The following SERGEF variants were observed in gnomAD, a reference collection of about 807,000 sequenced individuals.
The protein encoded by SERGEF is secretion-regulating guanine nucleotide exchange factor.
In SERGEF, 51 loss-of-function variants were observed where a neutral mutation model predicts 50.0. The observed-to-expected ratio is 1.02, with a 90% CI of 0.81 to 1.29. The LOEUF is 1.29. SERGEF is among the 50% of genes most tolerant of loss of function. The pLI is 0.00. For synonymous variants in SERGEF, 205 were observed against 212.4 expected (o/e 0.97, Z 0.30); for missense variants, 521 against 557.0 (o/e 0.94, Z 0.65).
chr11:17,788,523 G>A (rs940558916), intron 10 of SERGEF, 110 bp from the exon 11 acceptor site: 2 of 923,364 alleles, frequency 2.2e-6, no homozygotes, highest in Non-Finnish European at 3.1e-6. Context: ...TCAGGAAGAC[G>A]CCAAAGCTTA....
chr11:17,937,278 T>A (rs1852469487), intron 9 of SERGEF, among the ~76,000 whole-genome samples: 2 of 152,172 alleles, frequency 1.3e-5, no homozygotes, highest in Non-Finnish European at 2.9e-5. Flanking sequence ...ACGCCTATAA[T>A]CCCAACACTT....
At chr11:17,842,420 T>A (rs1342788333) in intron 10 of SERGEF, among the ~76,000 whole-genome samples, 1 of 152,208 alleles carries the variant, frequency 6.6e-6, no homozygotes, top group Non-Finnish European at 1.5e-5. Flanking sequence ...AGCATTGCCA[T>A]CATTACCACA....
At chr11:17,977,613 T>C (rs2133986494) in intron 8 of SERGEF, among the ~76,000 whole-genome samples, 1 of 152,342 alleles carries the variant, frequency 6.6e-6, no homozygotes, top group South Asian at 2.1e-4. Flanking sequence ...AAAGGGCTGC[T>C]ACAGACTGAA....
intron 9 of SERGEF, among the ~76,000 whole-genome samples, chr11:17,908,513 CT>C (rs1851893569): frequency 6.6e-6 from 1 of 152,182 alleles, no homozygotes. Flanking sequence ...TATCCCTCCT[CT>C]TATGCTCCAC....
intron 8 of SERGEF, among the ~76,000 whole-genome samples, chr11:17,979,335 T>C (rs1236198837): frequency 1.3e-5 from 2 of 152,156 alleles, no homozygotes; most frequent in African/African-American, 4.8e-5. Context: ...TAACTGGAAA[T>C]ACAAACTTGG....
intron 10 of SERGEF, among the ~76,000 whole-genome samples, chr11:17,875,088 C>T (rs1428236292): frequency 6.6e-6 from 1 of 152,188 alleles, no homozygotes; most frequent in Admixed American, 6.5e-5. Context: ...ACAGGTTACA[C>T]AGCTTGTAAG....
chr11:17,910,864 G>C (rs1851938748), intron 9 of SERGEF, among the ~76,000 whole-genome samples: 1 of 152,146 alleles, frequency 6.6e-6, no homozygotes, highest in Non-Finnish European at 1.5e-5. Context: ...AAGCATCAGT[G>C]CTGGGGATAG....
At position 17,862,227 on chromosome 11, in the gene SERGEF, C is replaced by T. The variant is rs141897242; in HGVS notation, c.1048+15981G>A. 2.0e-3 allele frequency among the ~76,000 whole-genome samples: 302 copies of T among 152,330 alleles called. 1 individual carries two copies. Among genetic ancestry groups the T allele is most frequent in the African/African-American group, 7.1e-3 (295 of 41,576 alleles). On this transcript the variant is annotated intron_variant, in intron 10 of 10. Transcript: ENST00000265965. The stretch of plus-strand genomic sequence containing the variant: ...CATACTCATCCGTTAAGACCCACTT[C>T]AAGGATCATCTCTTCTAAGAAGCAT...
At chr11:17,840,381 C>T (rs1456394719) in intron 10 of SERGEF, among the ~76,000 whole-genome samples, 1 of 152,178 alleles carries the variant, frequency 6.6e-6, no homozygotes, top group Non-Finnish European at 1.5e-5. Flanking sequence ...CAGATCCTAT[C>T]ACATGGTGCC....
At chr11:17,878,911 C>CT (rs1391599571) in intron 9 of SERGEF, among the ~76,000 whole-genome samples, 28 of 152,324 alleles carry the variant, frequency 1.8e-4, no homozygotes, top group African/African-American at 6.0e-4. Context: ...TTTGCTGTTG[C>CT]TTCTAGGCAG....
At chr11:17,950,023 T>A (rs1852744737) in intron 9 of SERGEF, among the ~76,000 whole-genome samples, 1 of 152,182 alleles carries the variant, frequency 6.6e-6, no homozygotes. Context: ...ATAGATAAAC[T>A]GCAGAATACA....
chr11:17,878,255 A>T lies in SERGEF; in HGVS notation c.1012-11T>A. 1 of 1,560,910 alleles carries T rather than the reference A, an allele frequency of 6.4e-7. No individual in the cohort carries two copies. The highest frequency in any genetic ancestry group is 8.8e-7 in the Non-Finnish European group (1 of 1,141,046). ...TGAGCCACAAGAGACCTGTAAAAAAAAAAAAAGACAAAGAAAATGGATAGA... is the reference window on the plus strand; with the variant it reads ...TGAGCCACAAGAGACCTGTAAAAAATAAAAAAGACAAAGAAAATGGATAGA... On this transcript the variant is annotated splice_polypyrimidine_tract_variant and intron_variant, in intron 9 of 10. Coordinates refer to ENST00000265965, the MANE Select transcript of SERGEF (RefSeq NM_012139.4).
chr11:17,917,615 C>T (rs1345439196), intron 9 of SERGEF, among the ~76,000 whole-genome samples: 1 of 152,230 alleles, frequency 6.6e-6, no homozygotes, highest in Non-Finnish European at 1.5e-5. Context: ...TCAAGCTCCA[C>T]TCCAGACTTA....
rs537756402 is a variant in SERGEF at position 18,005,515 on chromosome 11, C to T, written c.353-980G>A. Among the ~76,000 whole-genome samples the T allele has an allele frequency of 1.3e-3, 195 of 152,280 alleles. No individual in the cohort carries two copies. In the South Asian group the frequency reaches 0.015, roughly 11 times the overall value. On this transcript the variant is annotated intron_variant, in intron 3 of 10. Coordinates refer to ENST00000265965, the MANE Select transcript of SERGEF (RefSeq NM_012139.4). ...CTAGGGAACAGTTACAGAAGGCCAA[C>T]GCTAAAAAGCTAGGAATCTGAGCTA...
chr11:17,800,868 G>A (rs1262605690), intron 10 of SERGEF, among the ~76,000 whole-genome samples: 7 of 152,064 alleles, frequency 4.6e-5, no homozygotes, highest in Non-Finnish European at 8.8e-5. Flanking sequence ...GTGTGTCTGG[G>A]GCCAAGTGAG....
At chr11:17,881,668 T>C (rs1012972537) in intron 9 of SERGEF, among the ~76,000 whole-genome samples, 2 of 152,232 alleles carry the variant, frequency 1.3e-5, no homozygotes, top group Non-Finnish European at 1.5e-5. Context: ...TTTCTGGCTC[T>C]GAGACCTAAA....
intron 1 of SERGEF, among the ~76,000 whole-genome samples, chr11:18,008,517 C>T (rs1854129968): frequency 6.6e-6 from 1 of 151,736 alleles, no homozygotes; most frequent in African/African-American, 2.4e-5. Flanking sequence ...AGCAGCAATG[C>T]TAGCCATGGC....
intron 10 of SERGEF, among the ~76,000 whole-genome samples, chr11:17,842,932 C>A (rs538960452): frequency 7.2e-5 from 11 of 152,222 alleles, no homozygotes; most frequent in Non-Finnish European, 1.5e-4. Flanking sequence ...ACGAAACCAA[C>A]GCACAGATTT....
At chr11:17,876,009 C>T (rs771396096) in intron 10 of SERGEF, among the ~76,000 whole-genome samples, 5 of 152,332 alleles carry the variant, frequency 3.3e-5, no homozygotes, top group Non-Finnish European at 5.9e-5. Flanking sequence ...AGGAACTCTT[C>T]TTCACCTGCA....
Sources: allele counts gnomAD v4.1 joint callset (sites outside exome capture counted in the v4.1 genomes callset), GRCh38; gene constraint gnomAD v4.1.1; transcripts MANE v1.5; gene names NCBI Gene and HGNC (gene_info 2026-07-23, HGNC 2026-07-21).